GLRA2: variants seen among roughly 807,000 people sequenced by gnomAD.
GLRA2 encodes the protein glycine receptor subunit alpha-2.
A neutral mutation model predicts 31.6 loss-of-function variants in GLRA2; 11 were observed. That is an observed-to-expected ratio of 0.35 (90% confidence interval 0.22 to 0.58). GLRA2 has a LOEUF of 0.58. Among genes scored for constraint, GLRA2 ranks in the 20% least tolerant of loss-of-function variants. The pLI is 0.84. For synonymous variants in GLRA2, 132 were observed against 134.0 expected, an observed-to-expected ratio of 0.99 and a Z score of 0.10; for missense variants, 212 against 351.8, an observed-to-expected ratio of 0.60 and a Z score of 3.18.
the GLRA2 span, among the ~76,000 whole-genome samples, chrX:14,457,363 C>G: frequency 9.1e-6 from 1 of 109,701 alleles, no homozygotes; most frequent in African/African-American, 3.3e-5. Flanking sequence ...CCCCCACCCC[C>G]CACGGGCCCC....
At chrX:14,708,956 A>G (rs372393985) in intron 8 of GLRA2, among the ~76,000 whole-genome samples, 1 of 111,707 alleles carries the variant, frequency 9.0e-6, no homozygotes, top group African/African-American at 3.3e-5. Flanking sequence ...AGAAAAAAAA[A>G]AGAGAGAGAG....
chrX:14,460,449 A>G, the GLRA2 span, among the ~76,000 whole-genome samples: 1 of 111,813 alleles, frequency 8.9e-6, no homozygotes, highest in African/African-American at 3.3e-5. Flanking sequence ...AAGGAATGGA[A>G]CCAGCTCCTC....
chrX:14,547,580 G>T (rs762274235), intron 2 of GLRA2, among the ~76,000 whole-genome samples: 3 of 111,352 alleles, frequency 2.7e-5, no homozygotes, highest in Non-Finnish European at 5.7e-5. Context: ...CATCTATATT[G>T]TCAATTTCAA....
At chrX:14,643,801 T>G in intron 7 of GLRA2, among the ~76,000 whole-genome samples, 1 of 112,113 alleles carries the variant, frequency 8.9e-6, no homozygotes, top group East Asian at 2.8e-4. Flanking sequence ...ATTACATGTC[T>G]TTGTCACAAA....
the GLRA2 span, among the ~76,000 whole-genome samples, chrX:14,451,257 TAAC>T: frequency 1.8e-5 from 2 of 110,880 alleles, no homozygotes; most frequent in Non-Finnish European, 1.9e-5. Context: ...AGCAACCAGC[TAAC>T]AACAACATGA....
chrX:14,510,919 T>A, the GLRA2 span, among the ~76,000 whole-genome samples: 68 of 110,945 alleles, frequency 6.1e-4, no homozygotes, highest in Middle Eastern at 0.014. Flanking sequence ...GGTTTTTTTT[T>A]ATTTATTTTT....
chrX:14,691,703 G>T (rs1330319659), intron 8 of GLRA2, among the ~76,000 whole-genome samples: 1 of 111,792 alleles, frequency 8.9e-6, no homozygotes, highest in African/African-American at 3.3e-5. Flanking sequence ...GACATGCTTG[G>T]AAAGCACTGT....
At chrX:14,694,501 C>A (rs924931693) in intron 8 of GLRA2, among the ~76,000 whole-genome samples, 1 of 111,860 alleles carries the variant, frequency 8.9e-6, no homozygotes, top group Middle Eastern at 4.2e-3. Flanking sequence ...TGATTGGAAT[C>A]CACTAGTTAG....
rs761835805 is a variant in GLRA2, at chrX:14,621,998, T to C, written c.930+12793T>C. On this transcript the variant is annotated intron_variant, in intron 7 of 8. Coordinates refer to ENST00000218075, the MANE Select transcript of GLRA2 (RefSeq NM_002063.4). ...CAACAACAGTGTAAAAGTGTTCCTA[T>C]TTCTCCACATTCTCTCCAGCACCTG... is the stretch of plus-strand genomic sequence containing the variant. Among the ~76,000 whole-genome samples the C allele has an allele frequency of 2.7e-5, 3 of 112,184 alleles. No homozygotes were observed. The South Asian group carries it at 1.1e-3, about 42-fold the overall frequency.
At chrX:14,610,252 G>A (rs2090383708) in intron 7 of GLRA2, among the ~76,000 whole-genome samples, 1 of 111,958 alleles carries the variant, frequency 8.9e-6, no homozygotes, top group Non-Finnish European at 1.9e-5. Flanking sequence ...AGAAATGTTA[G>A]ATCATGTTCC....
chrX:14,568,704 A>AG (rs1569497742), intron 2 of GLRA2, among the ~76,000 whole-genome samples: 1 of 54,795 alleles, frequency 1.8e-5, no homozygotes. Flanking sequence ...AAAAAAAAAA[A>AG]AAAAAGAAAA....
At position 14,724,626 on chromosome X, in the gene GLRA2, C is replaced by CAA. The variant is rs758722703; in HGVS notation, c.1081-5556_1081-5555dup. 4.0e-4 allele frequency among the ~76,000 whole-genome samples: 20 copies of CAA among 49,579 alleles called. 1 individual carries two copies. In the East Asian group the frequency reaches 0.019, roughly 48 times the overall value. 43.1% of individuals were successfully genotyped at this position (49,579 alleles called of 115,157 possible). ...GGGTGACAAAAGCAAAACTCTGTCT[C>CAA]AAAAAAAAAAAAAAAAAAAAAAAAA... is the stretch of plus-strand genomic sequence containing the variant. On this transcript the variant is annotated intron_variant, in intron 8 of 8. Coordinates refer to ENST00000218075, the MANE Select transcript of GLRA2 (RefSeq NM_002063.4).
chrX:14,671,129 A>T (rs2091088336), intron 7 of GLRA2, among the ~76,000 whole-genome samples: 1 of 112,101 alleles, frequency 8.9e-6, no homozygotes, highest in Non-Finnish European at 1.9e-5. Flanking sequence ...CTGCTTGAAG[A>T]ATGTTTTTTG....
intron 1 of GLRA2, among the ~76,000 whole-genome samples, chrX:14,532,038 A>T (rs939122721): frequency 1.8e-5 from 2 of 112,060 alleles, no homozygotes; most frequent in Non-Finnish European, 3.8e-5. Context: ...GCGACTCAGG[A>T]TTTATAGTTC....
intron 8 of GLRA2, among the ~76,000 whole-genome samples, chrX:14,724,154 GTA>G (rs1261868743): frequency 3.6e-5 from 4 of 111,461 alleles, no homozygotes; most frequent in East Asian, 2.8e-4. Flanking sequence ...ATTCGTATAT[GTA>G]TATGTGTGTA....
At chrX:14,712,544 G>A (rs2091727347) in intron 8 of GLRA2, among the ~76,000 whole-genome samples, 1 of 110,098 alleles carries the variant, frequency 9.1e-6, no homozygotes, top group African/African-American at 3.3e-5. Flanking sequence ...TTAAAGTGGC[G>A]TTTTGTAGTT....
the GLRA2 span, among the ~76,000 whole-genome samples, chrX:14,507,689 CTTT>C: frequency 3.0e-4 from 14 of 46,634 alleles, no homozygotes; most frequent in East Asian, 5.2e-4. Context: ...GAAAGACATT[CTTT>C]TTTTTTTTTT....
chrX:14,505,894 GAAAA>G, the GLRA2 span, among the ~76,000 whole-genome samples: 3 of 111,330 alleles, frequency 2.7e-5, no homozygotes, highest in African/African-American at 9.8e-5. Flanking sequence ...ATATGGCTCT[GAAAA>G]ACACAGTTTT....
the GLRA2 span, among the ~76,000 whole-genome samples, chrX:14,459,212 G>T: frequency 9.0e-6 from 1 of 111,431 alleles, no homozygotes; most frequent in Non-Finnish European, 1.9e-5. Flanking sequence ...TGAGGGCTCT[G>T]TTCTGTTCCA....
Sources: allele counts gnomAD v4.1 joint callset (sites outside exome capture counted in the v4.1 genomes callset), GRCh38; gene constraint gnomAD v4.1.1; transcripts MANE v1.5; gene names NCBI Gene and HGNC (gene_info 2026-07-23, HGNC 2026-07-21).